The following NFIC variants were observed in gnomAD, a reference collection of about 807,000 sequenced individuals.
NFIC encodes nuclear factor I C, also known as nuclear factor 1 C-type.
A neutral mutation model predicts 54.4 loss-of-function variants in NFIC; 12 were observed. The observed-to-expected ratio is 0.22, with a 90% CI of 0.14 to 0.36. The LOEUF (loss-of-function observed/expected upper bound fraction) is 0.36. Among genes scored for constraint, NFIC ranks in the 10% least tolerant of loss-of-function variants. The pLI is 1.00. For synonymous variants in NFIC, 322 were observed against 319.2 expected (o/e 1.01, Z -0.09); for missense variants, 575 against 718.2 (o/e 0.80, Z 2.28).
intron 2 of NFIC, among the ~76,000 whole-genome samples, chr19:3,421,754 A>G (rs1209021596): frequency 6.6e-6 from 1 of 152,144 alleles, no homozygotes; most frequent in African/African-American, 2.4e-5. Context: ...TGCTTTGATC[A>G]TTCTCACAGC....
intron 4 of NFIC, among the ~76,000 whole-genome samples, chr19:3,433,838 A>T (rs1323048105): frequency 2.0e-5 from 3 of 152,110 alleles, no homozygotes; most frequent in Non-Finnish European, 4.4e-5. Context: ...CTGCCCCAGC[A>T]TCCCTCCTCC....
chr19:3,408,072 G>GGCGGACGTGGCA (rs1196092782), intron 2 of NFIC, among the ~76,000 whole-genome samples: 1 of 152,138 alleles, frequency 6.6e-6, no homozygotes, highest in Non-Finnish European at 1.5e-5. Context: ...GAGGTTGGGA[G>GGCGGACGTGGCA]GCGGACGTGG....
chr19:3,391,479 T>A (rs1279587394), intron 2 of NFIC, among the ~76,000 whole-genome samples: 2 of 151,728 alleles, frequency 1.3e-5, no homozygotes, highest in Non-Finnish European at 2.9e-5. Context: ...GGTAAAACCC[T>A]GTCTCTAATA....
At position 3,397,443 on chromosome 19, in the gene NFIC, C is replaced by T. The variant is rs2081482203; in HGVS notation, c.562+15200C>T. On this transcript the variant is annotated intron_variant, in intron 2 of 10. Coordinates refer to ENST00000443272, the MANE Select transcript of NFIC (RefSeq NM_001245002.2). ...TCAAGGAGCAGCTTCAGGGCTGCAG[C>T]CAGGCTGGGGGCTGGGCAGGTCTCA... Among the ~76,000 whole-genome samples the T allele has an allele frequency of 2.0e-5, 3 of 152,300 alleles. No homozygotes were observed. The South Asian group carries it at 6.2e-4, about 32-fold the overall frequency.
chr19:3,394,519 A>ACACCCC (rs1555744611), intron 2 of NFIC, among the ~76,000 whole-genome samples: 2 of 47,308 alleles, frequency 4.2e-5, no homozygotes, highest in African/African-American at 2.7e-4. Context: ...TCTTTTCCCC[A>ACACCCC]CCCACCCCCC....
Position 3,453,751 on chromosome 19 carries a change from C to T in NFIC, c.1270-12C>T. 1 of 1,598,404 alleles carries T rather than the reference C, an allele frequency of 6.3e-7. No individual in the cohort carries two copies. The highest frequency in any genetic ancestry group is 8.5e-7 in the Non-Finnish European group (1 of 1,173,872). ...GCCCACCCCTTAACCACGTGTCTCT[C>T]TGTTCCCCCAGTTAAATGGAAGTGG... On this transcript the variant is annotated splice_polypyrimidine_tract_variant and intron_variant, in intron 8 of 10. Transcript: ENST00000443272. This position sits in a 1 kb window ranked among gnomAD's most constrained non-coding sequence, Gnocchi z 6.7.
Position 3,382,250 on chromosome 19 carries a change from T to A in NFIC, c.562+7T>A. The A allele has an allele frequency of 6.3e-7, 1 of 1,597,342 alleles. No homozygotes were observed. Among genetic ancestry groups the A allele is most frequent in the Non-Finnish European group, 8.5e-7 (1 of 1,177,452 alleles). On this transcript the variant is annotated splice_region_variant and intron_variant, in intron 2 of 10. Coordinates refer to ENST00000443272, the MANE Select transcript of NFIC (RefSeq NM_001245002.2). ...TACTTCGTGCGTGAGCGAGGTGAGG[T>A]GTGGTGGCCTGAGCGGAGCGGCCAG...
rs1431903015 is a variant in NFIC, at chr19:3,452,033, G to C, written c.1085-449G>C. Among the ~76,000 whole-genome samples, 3 of 148,240 alleles carry C rather than the reference G, an allele frequency of 2.0e-5. No homozygotes were observed. ...TCGGGAGGCTGAGGCAGAATTGCTTGAACCCAGGAGGTGGAGGTTGCAGTG... is the reference window on the plus strand; with the variant it reads ...TCGGGAGGCTGAGGCAGAATTGCTTCAACCCAGGAGGTGGAGGTTGCAGTG... On this transcript the variant is annotated intron_variant, in intron 7 of 10. Transcript: ENST00000443272. This position sits in a 1 kb window ranked among gnomAD's most constrained non-coding sequence, Gnocchi z 5.3.
At chr19:3,423,179 C>CA (rs2081978844) in intron 2 of NFIC, among the ~76,000 whole-genome samples, 1 of 152,036 alleles carries the variant, frequency 6.6e-6, no homozygotes, top group Non-Finnish European at 1.5e-5. Flanking sequence ...GCCTGGGAGA[C>CA]AGAGTGAGAC....
rs533312668 is a variant in NFIC, at chr19:3,454,260, G to C, written c.1423+344G>C. ...GACACGGATCTCACAGTGGCGGCCC[G>C]AGGGCCAGACTCGACCCCCAGACTG... On this transcript the variant is annotated intron_variant, in intron 9 of 10. Transcript: ENST00000443272. The C allele has an allele frequency of 9.6e-6, 11 of 1,142,130 alleles. No individual in the cohort carries two copies. The East Asian group carries it at 4.6e-4, about 48-fold the overall frequency. The allele number at this position is 1,142,130 out of a possible 1,614,324, so 70.7% of individuals were successfully genotyped here. A position where few individuals can be genotyped will look rare whatever the true frequency, so the allele number is the denominator to read the frequency against.
intron 3 of NFIC, among the ~76,000 whole-genome samples, chr19:3,433,300 G>A (rs1235602401): frequency 6.6e-6 from 1 of 152,224 alleles, no homozygotes; most frequent in Non-Finnish European, 1.5e-5. Flanking sequence ...CACAGCATGG[G>A]GGAACCCGGA....
intron 1 of NFIC, among the ~76,000 whole-genome samples, chr19:3,361,026 G>C (rs1036265181): frequency 1.3e-5 from 2 of 152,234 alleles, no homozygotes; most frequent in African/African-American, 4.8e-5. Flanking sequence ...CTGGGCGGCG[G>C]AGGAAGAGCG....
chr19:3,404,595 A>C (rs967638749), intron 2 of NFIC, among the ~76,000 whole-genome samples: 1 of 150,088 alleles, frequency 6.7e-6, no homozygotes, highest in African/African-American at 2.5e-5. Context: ...GTGTCCCCCC[A>C]CCCCCACCCC....
intron 10 of NFIC, among the ~76,000 whole-genome samples, chr19:3,462,503 G>A (rs2082656880): frequency 6.6e-6 from 1 of 152,192 alleles, no homozygotes. Flanking sequence ...AGAATTCTGT[G>A]TTAACCAGAA....
rs57948823 is a variant in NFIC, at chr19:3,429,253, TACACACAC to T, written c.634+4111_634+4118del. 3.0e-3 allele frequency among the ~76,000 whole-genome samples: 154 copies of T among 50,812 alleles called. 11 individuals carry two copies. The highest frequency in any genetic ancestry group is 0.017 in the East Asian group (19 of 1,126). 33.3% of individuals were successfully genotyped at this position (50,812 alleles called of 152,430 possible). A position where few individuals can be genotyped will look rare whatever the true frequency, so the allele number is the denominator to read the frequency against. On this transcript the variant is annotated intron_variant, in intron 3 of 10. Coordinates refer to ENST00000443272, the MANE Select transcript of NFIC (RefSeq NM_001245002.2). The stretch of plus-strand genomic sequence containing the variant: ...CCCCAAAAAAAAAAAAAAAAATATA[TACACACAC>T]ACACACACACACACACACACACACA...
At chr19:3,377,511 A>T (rs767785771) in intron 1 of NFIC, among the ~76,000 whole-genome samples, 4 of 152,194 alleles carry the variant, frequency 2.6e-5, no homozygotes, top group East Asian at 3.9e-4. Context: ...AGGCAGGGAG[A>T]TGGAAAGGCA....
At position 3,464,654 on chromosome 19, in the gene NFIC, C is replaced by T; in HGVS notation, c.*1885C>T. The T allele has an allele frequency of 1.0e-6, 1 of 984,926 alleles. No homozygotes were observed. The highest frequency in any genetic ancestry group is 1.2e-6 in the Non-Finnish European group (1 of 829,848). The allele number at this position is 984,926 out of a possible 1,614,324, so 61.0% of individuals were successfully genotyped here. On this transcript the variant is annotated 3_prime_UTR_variant, in exon 11 of 11. Transcript: ENST00000443272. ...TCTCACCTGCTCCTAGCCTCACCCC[C>T]CTGCCCCCGAAAACCAGACTCTCCT... is the stretch of plus-strand genomic sequence containing the variant.
upstream of NFIC, among the ~76,000 whole-genome samples, chr19:3,366,252 G>T (rs975209316): frequency 3.3e-5 from 5 of 150,814 alleles, no homozygotes; most frequent in African/African-American, 9.8e-5. Flanking sequence ...GAGCGGGGGG[G>T]TCCTGAGACG....
In NFIC at chr19:3,464,019, T is replaced by G. The variant is rs1252009007; in HGVS notation, c.*1250T>G. 1.0e-6 allele frequency: 1 copy of G among 984,906 alleles called. No homozygotes were observed. The highest frequency in any genetic ancestry group is 1.1e-4 in the East Asian group (1 of 8,714). 61.0% of individuals were successfully genotyped at this position (984,906 alleles called of 1,614,324 possible). A position where few individuals can be genotyped will look rare whatever the true frequency, so the allele number is the denominator to read the frequency against. On this transcript the variant is annotated 3_prime_UTR_variant, in exon 11 of 11. Transcript: ENST00000443272. The stretch of plus-strand genomic sequence containing the variant: ...CCCGAGGGGCAGAGCTGGGCGTCAC[T>G]TCGCAAGCGTCCTGCCCTGCCGGGG...
Sources: gnomAD v4.1 joint callset for allele counts (sites outside exome capture counted in the v4.1 genomes callset) on GRCh38, gnomAD v4.1.1 for gene constraint, Gnocchi (gnomAD v3.1) non-coding constraint, MANE v1.5 for transcripts, NCBI Gene and HGNC (gene_info 2026-07-23, HGNC 2026-07-21) for gene names.